ZNF438: variants seen among roughly 807,000 people sequenced by gnomAD.
ZNF438 encodes the protein zinc finger protein 438.
Under a neutral mutation model 38.0 loss-of-function variants are expected in ZNF438, and 25 were observed. The ratio of observed to expected loss-of-function variants is 0.66; its 90% CI spans 0.48 to 0.92. The LOEUF is 0.92. Among genes scored for constraint, ZNF438 ranks in the 40% least tolerant of loss-of-function variants. The pLI is 0.00. For missense variants in ZNF438, 1,007 were observed against 999.6 expected, an observed-to-expected ratio of 1.01 and a Z score of -0.10; for synonymous variants, 372 against 364.1, an observed-to-expected ratio of 1.02 and a Z score of -0.25.
intron 1 of ZNF438, among the ~76,000 whole-genome samples, chr10:30,998,337 G>A (rs1478724887): frequency 6.6e-6 from 1 of 151,706 alleles, no homozygotes; most frequent in Non-Finnish European, 1.5e-5. Context: ...TCAGGAGTTT[G>A]AGACCATCCT....
chr10:30,918,485 T>C (rs1240030547), intron 2 of ZNF438, among the ~76,000 whole-genome samples: 6 of 152,190 alleles, frequency 3.9e-5, no homozygotes, highest in Non-Finnish European at 8.8e-5. Context: ...GTTGAATTTA[T>C]TCCTAAATGT....
chr10:30,894,376 A>G (rs1020065341), intron 3 of ZNF438, among the ~76,000 whole-genome samples: 1 of 152,162 alleles, frequency 6.6e-6, no homozygotes, highest in African/African-American at 2.4e-5. Context: ...CCGTCTTACC[A>G]ACACCTGGCC....
intron 1 of ZNF438, among the ~76,000 whole-genome samples, chr10:31,024,457 T>C (rs995270779): frequency 3.3e-5 from 5 of 152,094 alleles, no homozygotes; most frequent in African/African-American, 4.8e-5. Flanking sequence ...AAAACCCGCC[T>C]CTACTAAAAA....
chr10:30,871,033 A>T (rs1477629913), intron 4 of ZNF438, among the ~76,000 whole-genome samples: 1 of 152,188 alleles, frequency 6.6e-6, no homozygotes, highest in East Asian at 1.9e-4. Flanking sequence ...GGAGGAAAAG[A>T]AAAAAATAGA....
At chr10:30,852,492 G>T (rs754442476) in intron 4 of ZNF438, among the ~76,000 whole-genome samples, 2 of 152,184 alleles carry the variant, frequency 1.3e-5, no homozygotes, top group Non-Finnish European at 2.9e-5. Flanking sequence ...ACAGGCATGA[G>T]CCACCGCGCC....
intron 4 of ZNF438, among the ~76,000 whole-genome samples, chr10:30,869,385 CAAAAA>C (rs1288303891): frequency 2.5e-5 from 2 of 80,724 alleles, no homozygotes; most frequent in African/African-American, 1.0e-4. Context: ...AAAAACAAAA[CAAAAA>C]AGAAAAGAAA....
intron 2 of ZNF438, among the ~76,000 whole-genome samples, chr10:30,924,848 A>G (rs1222920945): frequency 1.3e-5 from 2 of 152,230 alleles, no homozygotes; most frequent in African/African-American, 4.8e-5. Flanking sequence ...TCAGTAGAAA[A>G]ACTGGAAAAA....
intron 1 of ZNF438, among the ~76,000 whole-genome samples, chr10:30,992,193 T>C (rs1021708027): frequency 6.6e-6 from 1 of 152,210 alleles, no homozygotes; most frequent in Non-Finnish European, 1.5e-5. Flanking sequence ...TTTGGTATTC[T>C]GTTATAGCAA....
At chr10:30,998,628 G>A (rs942929704) in intron 1 of ZNF438, among the ~76,000 whole-genome samples, 10 of 138,804 alleles carry the variant, frequency 7.2e-5, no homozygotes, top group African/African-American at 1.6e-4. Flanking sequence ...TAATGAAGAC[G>A]ATTATGATCA....
intron 1 of ZNF438, among the ~76,000 whole-genome samples, chr10:30,979,047 C>CA (rs2051782641): frequency 6.6e-6 from 1 of 152,228 alleles, no homozygotes; most frequent in Admixed American, 6.5e-5. Context: ...AATGGAACAA[C>CA]AAAGCCTGGA....
intron 1 of ZNF438, among the ~76,000 whole-genome samples, chr10:30,964,206 C>T (rs1395566061): frequency 1.3e-5 from 2 of 152,200 alleles, no homozygotes; most frequent in African/African-American, 4.8e-5. Flanking sequence ...AGTGTGATAA[C>T]TGTCACCCTT....
chr10:30,861,355 AT>A (rs2035551795), intron 4 of ZNF438, among the ~76,000 whole-genome samples: 1 of 152,076 alleles, frequency 6.6e-6, no homozygotes, highest in Non-Finnish European at 1.5e-5. Flanking sequence ...GCAGTTCGAA[AT>A]TTTTTTTCAA....
chr10:30,992,027 C>T (rs1207779670), intron 1 of ZNF438, among the ~76,000 whole-genome samples: 3 of 152,172 alleles, frequency 2.0e-5, no homozygotes, highest in Non-Finnish European at 4.4e-5. Flanking sequence ...AGGCTTGCTT[C>T]GCTCAGGAGT....
intron 1 of ZNF438, among the ~76,000 whole-genome samples, chr10:31,005,227 GTC>G (rs1303302741): frequency 3.9e-5 from 6 of 152,156 alleles, no homozygotes; most frequent in Non-Finnish European, 8.8e-5. Flanking sequence ...CAACCAAAGT[GTC>G]TGTCAACAGA....
intron 4 of ZNF438, among the ~76,000 whole-genome samples, chr10:30,855,662 C>T (rs2034494860): frequency 6.6e-6 from 1 of 152,200 alleles, no homozygotes; most frequent in Admixed American, 6.5e-5. Flanking sequence ...TGTCCACCAA[C>T]AGGGTGCTAA....
At chr10:30,850,275 T>G in exon 5 of ZNF438, 1 of 1,614,228 alleles carries the variant, frequency 6.2e-7, no homozygotes, top group Admixed American at 1.7e-5. Flanking sequence ...GTTAGGACTT[T>G]GGGCACAATT....
chr10:30,861,451 A>C (rs2035567000), intron 4 of ZNF438, among the ~76,000 whole-genome samples: 1 of 152,198 alleles, frequency 6.6e-6, no homozygotes, highest in African/African-American at 2.4e-5. Context: ...CTGCAAGAGG[A>C]AACAAGCATT....
chr10:31,012,867 G>A (rs924737229), intron 1 of ZNF438, among the ~76,000 whole-genome samples: 4 of 152,210 alleles, frequency 2.6e-5, no homozygotes, highest in African/African-American at 9.6e-5. Flanking sequence ...TGGCCAGTGA[G>A]GGTGAAGTAA....
intron 1 of ZNF438, among the ~76,000 whole-genome samples, chr10:30,954,111 C>T (rs566845737): frequency 6.6e-6 from 1 of 152,232 alleles, no homozygotes; most frequent in Admixed American, 6.5e-5. Flanking sequence ...CCACTGCACT[C>T]CAGCCCAGGC....
Sources: gnomAD v4.1 joint callset for allele counts (sites outside exome capture counted in the v4.1 genomes callset) on GRCh38, gnomAD v4.1.1 for gene constraint, MANE v1.5 for transcripts, NCBI Gene and HGNC (gene_info 2026-07-23, HGNC 2026-07-21) for gene names.